The following DNAH14 variants were observed in gnomAD, a reference collection of about 807,000 sequenced individuals.
DNAH14 encodes the protein dynein axonemal heavy chain 14.
A neutral mutation model predicts 520.9 loss-of-function variants in DNAH14; 478 were observed. That is an observed-to-expected ratio of 0.92 (90% CI 0.85 to 0.99). DNAH14 has a LOEUF of 0.99. DNAH14 is among the 50% of genes least tolerant of loss of function. The probability of loss-of-function intolerance (pLI) is 0.00; values close to 1 mark genes in which losing one functional copy is unlikely to be tolerated. For missense variants in DNAH14, 4,831 were observed against 5,234.5 expected (o/e 0.92, Z 2.38); for synonymous variants, 1,581 against 1,757.2 (o/e 0.90, Z 2.51).
chr1:225,141,478 CG>C (rs1253291176), intron 28 of DNAH14, among the ~76,000 whole-genome samples: 1 of 12,760 alleles, frequency 7.8e-5, no homozygotes, highest in Non-Finnish European at 1.6e-4. Context: ...TCTGTTTGGG[CG>C]GGGGCGGGGG....
At chr1:225,078,046 G>GA (rs904976809) in intron 17 of DNAH14, among the ~76,000 whole-genome samples, 4 of 152,098 alleles carry the variant, frequency 2.6e-5, no homozygotes, top group Admixed American at 6.5e-5. Flanking sequence ...CTTGAAACAT[G>GA]AAAAAATATG....
chr1:225,185,530 C>T, intron 37 of DNAH14, 105 bp downstream of exon 37: 1 of 1,204,870 alleles, frequency 8.3e-7, no homozygotes, highest in Non-Finnish European at 1.1e-6. Context: ...ACTTATTAAA[C>T]TTATTGCTAG....
chr1:225,380,753 C>T (rs1174189842), intron 80 of DNAH14, among the ~76,000 whole-genome samples: 1 of 152,128 alleles, frequency 6.6e-6, no homozygotes, highest in Non-Finnish European at 1.5e-5. Context: ...GCCTGATTGC[C>T]CAGAGATGAC....
At chr1:225,128,555 A>G (rs1398446793) in intron 27 of DNAH14, among the ~76,000 whole-genome samples, 1 of 151,874 alleles carries the variant, frequency 6.6e-6, no homozygotes, top group Non-Finnish European at 1.5e-5. Flanking sequence ...AACAGAACCA[A>G]AGACAAAAAC....
rs1245960780 is a variant in DNAH14 at position 225,335,897 on chromosome 1, ACATATATG to A, written c.10081-1365_10081-1358del. ...CATATACATATATGTACATATACAT[ACATATATG>A]CATGTATGTATATATGCACATATAC... On this transcript the variant is annotated intron_variant, in intron 66 of 85. Transcript: ENST00000682510. Among the ~76,000 whole-genome samples, 3 of 142,520 alleles carry A rather than the reference ACATATATG, an allele frequency of 2.1e-5. 1 individual carries two copies. The highest frequency in any genetic ancestry group is 4.6e-5 in the Non-Finnish European group (3 of 65,190). The allele number at this position is 142,520 out of a possible 152,430, so 93.5% of individuals were successfully genotyped here. A position where few individuals can be genotyped will look rare whatever the true frequency, so the allele number is the denominator to read the frequency against.
At chr1:225,304,281 G>A (rs2094197454) in intron 57 of DNAH14, among the ~76,000 whole-genome samples, 1 of 152,224 alleles carries the variant, frequency 6.6e-6, no homozygotes, top group East Asian at 1.9e-4. Flanking sequence ...AAGAAGTCTG[G>A]GCATGGTGGC....
intron 1 of DNAH14, among the ~76,000 whole-genome samples, chr1:224,933,779 T>G (rs2058847389): frequency 6.6e-6 from 1 of 152,142 alleles, no homozygotes; most frequent in Non-Finnish European, 1.5e-5. Context: ...AAATCCCATT[T>G]GATCATGGTG....
intron 17 of DNAH14, among the ~76,000 whole-genome samples, chr1:225,076,227 G>A (rs3128646): frequency 0.8 from 121,310 of 152,118 alleles, 51,741 homozygotes; most frequent in Non-Finnish European, 0.96. Context: ...TCCAACATGT[G>A]GGCCTCAAAA....
chr1:225,082,045 C>T (rs1304988844), intron 19 of DNAH14, among the ~76,000 whole-genome samples: 2 of 151,986 alleles, frequency 1.3e-5, no homozygotes, highest in Middle Eastern at 3.4e-3. Flanking sequence ...CTGAGGTGGG[C>T]GGATCATTCG....
chr1:225,367,849 G>C lies in DNAH14; in HGVS notation c.12135G>C (p.Gln4045His). Residue 4045 changes from glutamine (Q) to histidine (H), a missense_variant, in exon 77 of 86, where the codon CAG (glutamine) becomes CAC (histidine). Physicochemically the swap from Gln to His is conservative, Grantham distance 24. Transcript: ENST00000682510. ...SPQGLKSNLLQTFGCTGSGEV... is the reference protein window; with the variant it reads ...SPQGLKSNLLHTFGCTGSGEV... ...AGGGATTGAAAAGTAACTTACTTCA[G>C]ACATTTGGATGTACTGGGAGTGGAG... 1 of 1,551,482 alleles carries C rather than the reference G, an allele frequency of 6.4e-7. No homozygotes were observed.
intron 54 of DNAH14, 125 bp from the exon 55 acceptor site, chr1:225,289,760 A>G: frequency 3.4e-6 from 2 of 586,524 alleles, no homozygotes; most frequent in Non-Finnish European, 5.2e-6. Flanking sequence ...CCAAAAGGTT[A>G]TAAATAAAAA....
intron 46 of DNAH14, among the ~76,000 whole-genome samples, chr1:225,263,365 CA>C (rs1358546145): frequency 1.6e-4 from 24 of 151,506 alleles, no homozygotes; most frequent in Non-Finnish European, 3.2e-4. Flanking sequence ...CTTCTTATCT[CA>C]ATAAACGGGA....
At chr1:225,375,180 T>C (rs2095681114) in intron 78 of DNAH14, among the ~76,000 whole-genome samples, 1 of 152,162 alleles carries the variant, frequency 6.6e-6, no homozygotes, top group Non-Finnish European at 1.5e-5. Context: ...AGTCACTTGA[T>C]ATATGTTTCT....
At chr1:224,953,411 T>C (rs2060307646) in intron 2 of DNAH14, among the ~76,000 whole-genome samples, 1 of 152,140 alleles carries the variant, frequency 6.6e-6, no homozygotes, top group African/African-American at 2.4e-5. Context: ...TAAAATGATG[T>C]AATTATGACC....
intron 83 of DNAH14, among the ~76,000 whole-genome samples, chr1:225,391,040 T>C (rs1180349065): frequency 6.6e-6 from 1 of 152,200 alleles, no homozygotes; most frequent in East Asian, 1.9e-4. Flanking sequence ...ACAGCATTCT[T>C]ACTAGAGAAA....
At chr1:225,253,383 T>A (rs1389175750) in intron 44 of DNAH14, among the ~76,000 whole-genome samples, 1 of 152,100 alleles carries the variant, frequency 6.6e-6, no homozygotes, top group Admixed American at 6.6e-5. Flanking sequence ...GAACATTACT[T>A]CCTCTGGCTG....
At chr1:225,161,785 A>G (rs948359098) in intron 35 of DNAH14, among the ~76,000 whole-genome samples, 1 of 151,972 alleles carries the variant, frequency 6.6e-6, no homozygotes, top group African/African-American at 2.4e-5. Flanking sequence ...TTCATTACCC[A>G]TTTGCCATTT....
In DNAH14 at chr1:225,342,077, T is replaced by G. The variant is rs185459322; in HGVS notation, c.10678+1376T>G. Among the ~76,000 whole-genome samples, 57 of 152,312 alleles carry G rather than the reference T, an allele frequency of 3.7e-4. 1 individual carries two copies. The East Asian group carries it at 9.6e-3, about 26-fold the overall frequency. On this transcript the variant is annotated intron_variant, in intron 69 of 85. Transcript: ENST00000682510. ...CGAAGCTCTCTACACAATTATAATG[T>G]CCACTTCTGATTACATATTATTTGT...
chr1:225,125,089 A>T (rs1269728952), intron 27 of DNAH14, among the ~76,000 whole-genome samples: 1 of 152,194 alleles, frequency 6.6e-6, no homozygotes, highest in Non-Finnish European at 1.5e-5. Flanking sequence ...ATATTCAGTA[A>T]ACCATGCTGA....
Sources: gnomAD v4.1 joint callset for allele counts (sites outside exome capture counted in the v4.1 genomes callset) on GRCh38, gnomAD v4.1.1 for gene constraint, MANE v1.5 for transcripts, NCBI Gene and HGNC (gene_info 2026-07-23, HGNC 2026-07-21) for gene names.